The following TNFSF4 variants were observed in gnomAD, a reference collection of about 807,000 sequenced individuals.
TNFSF4 encodes tumor necrosis factor ligand superfamily member 4.
Under a neutral mutation model 7.3 loss-of-function variants are expected in TNFSF4, and 4 were observed. That is an observed-to-expected ratio of 0.55 (90% CI 0.27 to 1.25). TNFSF4 has a LOEUF of 1.25. Among genes scored for constraint, TNFSF4 ranks in the 50% most tolerant of loss-of-function variants. TNFSF4 has a pLI of 0.12. For synonymous variants in TNFSF4, 76 were observed against 83.7 expected (o/e 0.91, Z 0.50); for missense variants, 181 against 208.8 (o/e 0.87, Z 0.82).
chr1:173,249,867 A>G, the TNFSF4 span, among the ~76,000 whole-genome samples: 1 of 152,238 alleles, frequency 6.6e-6, no homozygotes, highest in African/African-American at 2.4e-5. Flanking sequence ...CTTGACACAC[A>G]GTCAACACTT....
the TNFSF4 span, among the ~76,000 whole-genome samples, chr1:173,433,540 C>CAA: frequency 4.2e-4 from 60 of 141,228 alleles, no homozygotes; most frequent in East Asian, 4.1e-3. Flanking sequence ...ACAAAAAATA[C>CAA]AAAAAAAAAA....
At chr1:173,234,253 A>T in the TNFSF4 span, among the ~76,000 whole-genome samples, 1 of 152,186 alleles carries the variant, frequency 6.6e-6, no homozygotes, top group African/African-American at 2.4e-5. Flanking sequence ...ATGAGATACG[A>T]TCTCACACCA....
At chr1:173,182,953 T>C (rs1347395768), downstream of TNFSF4, among the ~76,000 whole-genome samples, 2 of 152,218 alleles carry the variant, frequency 1.3e-5, no homozygotes, top group Non-Finnish European at 2.9e-5. Flanking sequence ...GTTGCTGCCA[T>C]GCCAAAATTG....
the TNFSF4 span, among the ~76,000 whole-genome samples, chr1:173,285,336 G>T: frequency 6.6e-5 from 10 of 152,232 alleles, no homozygotes; most frequent in East Asian, 1.9e-3. Flanking sequence ...ATGAGCAAAT[G>T]AGGTGTTTTT....
the TNFSF4 span, among the ~76,000 whole-genome samples, chr1:173,389,495 T>G: frequency 3.3e-5 from 5 of 152,266 alleles, no homozygotes; most frequent in Admixed American, 2.6e-4. Context: ...ATTTTTGTCA[T>G]CTATATATGA....
chr1:173,384,177 G>T, the TNFSF4 span, among the ~76,000 whole-genome samples: 2 of 152,152 alleles, frequency 1.3e-5, no homozygotes, highest in African/African-American at 4.8e-5. Context: ...TGCTCCATCA[G>T]TGTAAAGATC....
At chr1:173,395,588 A>G in the TNFSF4 span, among the ~76,000 whole-genome samples, 1 of 151,600 alleles carries the variant, frequency 6.6e-6, no homozygotes, top group Non-Finnish European at 1.5e-5. Flanking sequence ...GTGTGCCCTG[A>G]AGGAAGCCAT....
the TNFSF4 span, among the ~76,000 whole-genome samples, chr1:173,324,400 T>A: frequency 6.6e-6 from 1 of 152,178 alleles, no homozygotes; most frequent in Admixed American, 6.5e-5. Flanking sequence ...TACCAGCCAC[T>A]GCAAAAACAT....
At chr1:173,372,500 G>T in the TNFSF4 span, among the ~76,000 whole-genome samples, 1 of 152,162 alleles carries the variant, frequency 6.6e-6, no homozygotes, top group Non-Finnish European at 1.5e-5. Flanking sequence ...AGACTCGTGG[G>T]ACAACCCCAC....
the TNFSF4 span, among the ~76,000 whole-genome samples, chr1:173,390,737 C>CTTTTTTTTTTTTTTTTTTTTTTT: frequency 1.5e-5 from 2 of 131,604 alleles, no homozygotes. Flanking sequence ...CATTCTGCTT[C>CTTTTTTTTTTTTTTTTTTTTTTT]TTTTTTTTTT....
At chr1:173,269,764 C>T in the TNFSF4 span, among the ~76,000 whole-genome samples, 1 of 152,020 alleles carries the variant, frequency 6.6e-6, no homozygotes, top group African/African-American at 2.4e-5. Flanking sequence ...TATTTTCAGG[C>T]CATGGTTGAC....
chr1:173,179,660 T>C (rs1649016244), downstream of TNFSF4, among the ~76,000 whole-genome samples: 1 of 152,218 alleles, frequency 6.6e-6, no homozygotes, highest in Admixed American at 6.5e-5. Flanking sequence ...TTGGATGATG[T>C]TCATTCTTCT....
chr1:173,231,204 C>T, the TNFSF4 span, among the ~76,000 whole-genome samples: 1 of 152,224 alleles, frequency 6.6e-6, no homozygotes, highest in Non-Finnish European at 1.5e-5. Context: ...CAGTAAATTA[C>T]TGGCAAACCG....
the TNFSF4 span, among the ~76,000 whole-genome samples, chr1:173,377,155 G>C: frequency 6.6e-6 from 1 of 152,166 alleles, no homozygotes; most frequent in African/African-American, 2.4e-5. Flanking sequence ...CCACCGGAAG[G>C]AACCAATTCC....
chr1:173,175,542 C>T, the TNFSF4 span: 1 of 152,094 alleles, frequency 6.6e-6, no homozygotes, highest in Non-Finnish European at 1.5e-5. Context: ...CTCACTTGTA[C>T]TCCCTCATTC....
the TNFSF4 span, among the ~76,000 whole-genome samples, chr1:173,239,590 A>G: frequency 5.3e-5 from 8 of 152,296 alleles, no homozygotes; most frequent in Middle Eastern, 3.4e-3. Context: ...CTAACAGAAG[A>G]GATGTCTGTG....
the TNFSF4 span, among the ~76,000 whole-genome samples, chr1:173,410,123 G>A: frequency 6.6e-6 from 1 of 152,082 alleles, no homozygotes; most frequent in African/African-American, 2.4e-5. Context: ...AAATGAGGCG[G>A]GAGGATCACC....
chr1:173,190,984 A>T lies in TNFSF4; in HGVS notation c.154-2415T>A, dbSNP rs541780394. Among the ~76,000 whole-genome samples the T allele has an allele frequency of 9.2e-5, 14 of 152,324 alleles. No homozygotes were observed. The East Asian group carries it at 2.5e-3, about 27-fold the overall frequency. Reference sequence around the variant, plus strand: ...TTTAGATTTTAGAAGTTGTGACTTTAAGTTTAATTTAATAAAAGAGAAAAA... The same window carrying T: ...TTTAGATTTTAGAAGTTGTGACTTTTAGTTTAATTTAATAAAAGAGAAAAA... On this transcript the variant is annotated intron_variant, in intron 1 of 2. Transcript: ENST00000281834.
At chr1:173,288,066 C>CAT in the TNFSF4 span, among the ~76,000 whole-genome samples, 1 of 152,078 alleles carries the variant, frequency 6.6e-6, no homozygotes, top group Non-Finnish European at 1.5e-5. Context: ...TTAAAGTTTC[C>CAT]AAATACATAA....
Sources: gnomAD v4.1 joint callset for allele counts (sites outside exome capture counted in the v4.1 genomes callset) on GRCh38, gnomAD v4.1.1 for gene constraint, MANE v1.5 for transcripts, NCBI Gene and HGNC (gene_info 2026-07-23, HGNC 2026-07-21) for gene names.